Variants in PTPRN2 observed in about 807,000 individuals in gnomAD.
PTPRN2 encodes protein tyrosine phosphatase receptor type N2, also known as receptor-type tyrosine-protein phosphatase N2.
In PTPRN2, 74 loss-of-function variants were observed where a neutral mutation model predicts 118.8. That is an observed-to-expected ratio of 0.62 (90% CI 0.52 to 0.76). The LOEUF is 0.76. PTPRN2 is among the 30% of genes least tolerant of loss of function. The probability of loss-of-function intolerance (pLI) is 0.00; values close to 1 mark genes in which losing one functional copy is unlikely to be tolerated. For synonymous variants in PTPRN2, 641 were observed against 608.0 expected, an observed-to-expected ratio of 1.05 and a Z score of -0.80; for missense variants, 1,481 against 1,394.4, an observed-to-expected ratio of 1.06 and a Z score of -0.99.
intron 11 of PTPRN2, among the ~76,000 whole-genome samples, chr7:157,954,477 T>C (rs1220473313): frequency 7.2e-6 from 1 of 138,180 alleles, no homozygotes; most frequent in African/African-American, 2.8e-5. Flanking sequence ...CATGTGTGTC[T>C]ATGTGGGTGG....
intron 2 of PTPRN2, among the ~76,000 whole-genome samples, chr7:158,479,840 C>T (rs905206186): frequency 3.9e-5 from 6 of 152,206 alleles, no homozygotes; most frequent in African/African-American, 9.6e-5. Context: ...GGGTGGCGGG[C>T]GCAAGCCAGC....
intron 3 of PTPRN2, among the ~76,000 whole-genome samples, chr7:158,303,330 G>A (rs1801032976): frequency 6.6e-6 from 1 of 152,180 alleles, no homozygotes; most frequent in African/African-American, 2.4e-5. Context: ...GGAACACCCT[G>A]TAATCCCTCT....
At chr7:158,057,553 A>C (rs2128903253) in intron 11 of PTPRN2, among the ~76,000 whole-genome samples, 1 of 152,306 alleles carries the variant, frequency 6.6e-6, no homozygotes, top group African/African-American at 2.4e-5. Flanking sequence ...TGTTTGGGAA[A>C]CACACGTAAC....
intron 2 of PTPRN2, among the ~76,000 whole-genome samples, chr7:158,399,911 C>T (rs1180551803): frequency 6.6e-6 from 1 of 152,100 alleles, no homozygotes; most frequent in Admixed American, 6.6e-5. Context: ...ACTCATTAGT[C>T]CCCAGGCACT....
At chr7:157,814,831 C>T (rs1246862216) in intron 12 of PTPRN2, among the ~76,000 whole-genome samples, 1 of 152,314 alleles carries the variant, frequency 6.6e-6, no homozygotes, top group East Asian at 1.9e-4. Flanking sequence ...AGCAGCTTTG[C>T]AGGCAGCCTG....
At chr7:158,407,935 T>C (rs1813731825) in intron 2 of PTPRN2, among the ~76,000 whole-genome samples, 1 of 152,248 alleles carries the variant, frequency 6.6e-6, no homozygotes, top group South Asian at 2.1e-4. Context: ...ACAGAGCTTG[T>C]GTGCAAATTC....
At chr7:158,511,625 G>A (rs187153334) in intron 1 of PTPRN2, among the ~76,000 whole-genome samples, 384 of 152,298 alleles carry the variant, frequency 2.5e-3, no homozygotes, top group Admixed American at 3.1e-3. Flanking sequence ...GCACAGCTTT[G>A]CCTCTCACAC....
intron 5 of PTPRN2, among the ~76,000 whole-genome samples, chr7:158,180,644 G>A (rs1420898156): frequency 1.3e-5 from 2 of 152,116 alleles, no homozygotes; most frequent in African/African-American, 2.4e-5. Context: ...TCTCTGTATA[G>A]AGATCTTTCA....
At chr7:158,352,739 C>T (rs2151271287) in intron 2 of PTPRN2, among the ~76,000 whole-genome samples, 1 of 152,356 alleles carries the variant, frequency 6.6e-6, no homozygotes, top group Non-Finnish European at 1.5e-5. Context: ...TAGCCCTTCC[C>T]TGCAAAGAAA....
intron 2 of PTPRN2, among the ~76,000 whole-genome samples, chr7:158,344,096 AAC>A (rs1011973705): frequency 6.6e-6 from 1 of 151,910 alleles, no homozygotes; most frequent in African/African-American, 2.4e-5. Context: ...ACCTTCCAAA[AAC>A]ACAAAATGTC....
intron 1 of PTPRN2, among the ~76,000 whole-genome samples, chr7:158,503,514 C>T (rs533998820): frequency 1.3e-5 from 2 of 152,310 alleles, no homozygotes; most frequent in East Asian, 3.9e-4. Context: ...TGGAAGCATC[C>T]GTTCATTGCA....
chr7:158,550,411 C>T (rs1343676762), intron 1 of PTPRN2, among the ~76,000 whole-genome samples: 3 of 152,252 alleles, frequency 2.0e-5, no homozygotes, highest in Non-Finnish European at 2.9e-5. Flanking sequence ...CACTCGGCCC[C>T]AGGGCACTAG....
chr7:158,128,079 A>G (rs1395427822), intron 9 of PTPRN2, among the ~76,000 whole-genome samples: 2 of 152,180 alleles, frequency 1.3e-5, no homozygotes, highest in Non-Finnish European at 2.9e-5. Context: ...GTTCTAAACC[A>G]CATTCCTCTC....
At chr7:158,236,632 C>G (rs887161525) in intron 3 of PTPRN2, among the ~76,000 whole-genome samples, 11 of 152,164 alleles carry the variant, frequency 7.2e-5, no homozygotes, top group Non-Finnish European at 1.6e-4. Flanking sequence ...CAGTGGGACT[C>G]CCCACAGGGC....
At chr7:157,860,530 G>T (rs941028155) in intron 12 of PTPRN2, among the ~76,000 whole-genome samples, 1 of 152,254 alleles carries the variant, frequency 6.6e-6, no homozygotes, top group African/African-American at 2.4e-5. Flanking sequence ...TTCTCCTATA[G>T]GAACGTTTCA....
chr7:158,014,400 C>A (rs902521687), intron 11 of PTPRN2, among the ~76,000 whole-genome samples: 5 of 151,872 alleles, frequency 3.3e-5, no homozygotes, highest in African/African-American at 9.7e-5. Context: ...TCCATCCATC[C>A]ACCCATTCAT....
At position 157,784,490 on chromosome 7, in the gene PTPRN2, C is replaced by T. The variant is rs1803892051; in HGVS notation, c.1789-101553G>A. Among the ~76,000 whole-genome samples, 1 of 152,180 alleles carries T rather than the reference C, an allele frequency of 6.6e-6. No homozygotes were observed. The highest frequency in any genetic ancestry group is 6.6e-5 in the Admixed American group (1 of 15,260). On this transcript the variant is annotated intron_variant, in intron 12 of 22. Transcript: ENST00000389418. The surrounding 1 kb of genome is among the most constrained non-coding windows in gnomAD (Gnocchi z 4.6). ...AGCTGTGGCTGCGGGAACCTTCCTGCCCTGCAGGAACCACCTCAGCCTCAG... is the reference window on the plus strand; with the variant it reads ...AGCTGTGGCTGCGGGAACCTTCCTGTCCTGCAGGAACCACCTCAGCCTCAG...
rs913687042 is a variant in PTPRN2 at position 158,410,364 on chromosome 7, C to T, written c.163+79371G>A. Among the ~76,000 whole-genome samples, 54 of 152,184 alleles carry T rather than the reference C, an allele frequency of 3.5e-4. 1 individual carries two copies. The highest frequency in any genetic ancestry group is 7.5e-4 in the Non-Finnish European group (51 of 68,028). ...GAGGTCACGATGCCAGAGTCACCCT[C>T]GTCTCATCCCCGAGTACCCAGGTGA... On this transcript the variant is annotated intron_variant, in intron 2 of 22. Transcript: ENST00000389418.
chr7:157,592,726 G>A (rs1801058974), intron 17 of PTPRN2, among the ~76,000 whole-genome samples: 1 of 149,942 alleles, frequency 6.7e-6, no homozygotes, highest in Non-Finnish European at 1.5e-5. Flanking sequence ...GATGCCGAGA[G>A]GCTTCACACA....
Sources: gnomAD v4.1 joint callset for allele counts (sites outside exome capture counted in the v4.1 genomes callset) on GRCh38, gnomAD v4.1.1 for gene constraint, Gnocchi (gnomAD v3.1) non-coding constraint, MANE v1.5 for transcripts, NCBI Gene and HGNC (gene_info 2026-07-23, HGNC 2026-07-21) for gene names.